KYNU: variants seen among roughly 807,000 people sequenced by gnomAD.
KYNU encodes L-kynurenine hydrolase.
KYNU carries 54 observed loss-of-function variants against 59.2 expected under a neutral mutation model. The observed-to-expected ratio is 0.91, with a 90% CI of 0.73 to 1.14. KYNU has a LOEUF of 1.14. Among genes scored for constraint, KYNU ranks in the 50% most tolerant of loss-of-function variants. The pLI is 0.00. For synonymous variants in KYNU, 177 were observed against 192.0 expected (o/e 0.92, Z 0.65); for missense variants, 567 against 554.4 (o/e 1.02, Z -0.23).
At chr2:142,968,652 G>A (rs114364325) in intron 8 of KYNU, among the ~76,000 whole-genome samples, 3 of 152,252 alleles carry the variant, frequency 2.0e-5, no homozygotes, top group African/African-American at 4.8e-5. Context: ...CGTAGCTCAC[G>A]CCTGTAGTCC....
At chr2:142,951,104 T>C (rs1014630302) in intron 4 of KYNU, among the ~76,000 whole-genome samples, 2 of 152,208 alleles carry the variant, frequency 1.3e-5, no homozygotes, top group African/African-American at 4.8e-5. Context: ...CAAAGATCAT[T>C]GATCACGGAA....
intron 2 of KYNU, among the ~76,000 whole-genome samples, chr2:142,898,140 A>C (rs1436052553): frequency 6.6e-6 from 1 of 152,160 alleles, no homozygotes; most frequent in Non-Finnish European, 1.5e-5. Context: ...TTGGCCTCCC[A>C]AGGGGCTGGA....
At chr2:142,973,007 AC>A (rs1275886288) in intron 8 of KYNU, among the ~76,000 whole-genome samples, 1 of 149,568 alleles carries the variant, frequency 6.7e-6, no homozygotes, top group Non-Finnish European at 1.5e-5. Context: ...ATTTGCCATT[AC>A]ATGATTAGTG....
intron 4 of KYNU, among the ~76,000 whole-genome samples, chr2:142,938,720 T>C (rs952108078): frequency 1.3e-5 from 2 of 152,228 alleles, no homozygotes; most frequent in African/African-American, 4.8e-5. Context: ...CATGAAAATC[T>C]ATTTTTATAC....
At chr2:142,950,087 A>G (rs140005306) in intron 4 of KYNU, among the ~76,000 whole-genome samples, 7,006 of 152,222 alleles carry the variant, frequency 0.046, 223 homozygotes, top group South Asian at 0.13. Flanking sequence ...CCAGTTCCCA[A>G]CAAGTTCCTC....
intron 1 of KYNU, among the ~76,000 whole-genome samples, chr2:142,878,512 T>C (rs939984060): frequency 6.6e-5 from 10 of 152,200 alleles, no homozygotes; most frequent in African/African-American, 9.6e-5. Flanking sequence ...TTTCTCAACA[T>C]ATTTTTAAGT....
intron 2 of KYNU, among the ~76,000 whole-genome samples, chr2:142,916,166 C>T (rs1351392942): frequency 6.6e-6 from 1 of 152,086 alleles, no homozygotes; most frequent in African/African-American, 2.4e-5. Flanking sequence ...TCTAGAAGCC[C>T]TAGTAAACTA....
At chr2:142,979,672 G>A (rs1218494819) in intron 8 of KYNU, among the ~76,000 whole-genome samples, 1 of 152,060 alleles carries the variant, frequency 6.6e-6, no homozygotes, top group Non-Finnish European at 1.5e-5. Context: ...GGAGGGCTGG[G>A]TATGGTGGTT....
chr2:143,040,284 T>C, intron 12 of KYNU, 144 bp from the exon 13 acceptor site: 1 of 651,190 alleles, frequency 1.5e-6, no homozygotes, highest in East Asian at 2.7e-5. Context: ...AGGGCATGAT[T>C]TTACACAAAA....
At chr2:142,942,409 A>G (rs945715622) in intron 4 of KYNU, among the ~76,000 whole-genome samples, 1 of 152,184 alleles carries the variant, frequency 6.6e-6, no homozygotes, top group African/African-American at 2.4e-5. Flanking sequence ...TCTTCCTCAA[A>G]TAGTTTTGTA....
chr2:142,889,388 CA>C (rs1203751116), intron 2 of KYNU, among the ~76,000 whole-genome samples: 1 of 152,082 alleles, frequency 6.6e-6, no homozygotes, highest in Non-Finnish European at 1.5e-5. Flanking sequence ...GCATATAGGG[CA>C]GGACACCTGT....
intron 4 of KYNU, among the ~76,000 whole-genome samples, chr2:142,948,564 G>A (rs1343343375): frequency 1.3e-5 from 2 of 152,266 alleles, no homozygotes; most frequent in Non-Finnish European, 2.9e-5. Context: ...TGTGGATGGC[G>A]ACAGGCAAAG....
chr2:142,953,342 G>T, intron 4 of KYNU, among the ~76,000 whole-genome samples: 1 of 152,222 alleles, frequency 6.6e-6, no homozygotes, highest in Admixed American at 6.5e-5. Context: ...CTAAGGGCAG[G>T]ATTTATGGTA....
chr2:143,016,886 C>T (rs961153067), intron 10 of KYNU, among the ~76,000 whole-genome samples: 1 of 151,872 alleles, frequency 6.6e-6, no homozygotes, highest in African/African-American at 2.4e-5. Context: ...ATTCTCAATC[C>T]CCTCCCTCTC....
intron 4 of KYNU, among the ~76,000 whole-genome samples, chr2:142,942,535 A>G (rs1002573919): frequency 6.6e-5 from 10 of 152,118 alleles, no homozygotes; most frequent in African/African-American, 1.2e-4. Flanking sequence ...TATTTTTTCT[A>G]CTTGCTAGGG....
rs551345419 is a variant in KYNU at position 142,988,518 on chromosome 2, C to G, written c.902+2497C>G. On this transcript the variant is annotated intron_variant, in intron 10 of 13. Coordinates refer to ENST00000264170, the MANE Select transcript of KYNU (RefSeq NM_003937.3). ...TCCTACCATCTTACTGATTCCGCCA[C>G]TATTTAGTGGGTTGAATGAGATCTT... Among the ~76,000 whole-genome samples the G allele has an allele frequency of 3.3e-5, 5 of 151,996 alleles. No individual in the cohort carries two copies. In the East Asian group the frequency reaches 9.7e-4, roughly 30 times the overall value.
intron 12 of KYNU, among the ~76,000 whole-genome samples, chr2:143,033,598 C>A (rs1446396652): frequency 3.3e-5 from 5 of 152,206 alleles, no homozygotes; most frequent in Non-Finnish European, 5.9e-5. Flanking sequence ...TTTTACTCCA[C>A]TTAGAATCTG....
chr2:143,014,055 T>C lies in KYNU; in HGVS notation c.903-15572T>C, dbSNP rs528766527. 4.6e-5 allele frequency among the ~76,000 whole-genome samples: 7 copies of C among 152,356 alleles called. No individual in the cohort carries two copies. In the East Asian group the frequency reaches 1.3e-3, roughly 29 times the overall value. ...TCTCTTGCGTCTTTAGAGGATATAG[T>C]ATGAACCTGGGTTTTAAATGGAGGT... On this transcript the variant is annotated intron_variant, in intron 10 of 13. Transcript: ENST00000264170.
chr2:143,007,488 A>G (rs1389648603), intron 10 of KYNU, among the ~76,000 whole-genome samples: 1 of 126,188 alleles, frequency 7.9e-6, no homozygotes, highest in Non-Finnish European at 1.6e-5. Flanking sequence ...ACTCTGCAGG[A>G]TATTATCCAG....
Sources: allele counts gnomAD v4.1 joint callset (sites outside exome capture counted in the v4.1 genomes callset), GRCh38; gene constraint gnomAD v4.1.1; transcripts MANE v1.5; gene names NCBI Gene and HGNC (gene_info 2026-07-23, HGNC 2026-07-21).